SGCD: variants seen among roughly 807,000 people sequenced by gnomAD.
SGCD encodes delta-sarcoglycan.
SGCD carries 18 observed loss-of-function variants against 36.6 expected under a neutral mutation model. The observed-to-expected ratio is 0.49, with a 90% confidence interval of 0.34 to 0.73. The LOEUF (loss-of-function observed/expected upper bound fraction) is 0.73. SGCD is among the 30% of genes least tolerant of loss of function. The probability of loss-of-function intolerance (pLI) is 0.01; values close to 1 mark genes in which losing one functional copy is unlikely to be tolerated. For missense variants in SGCD, 387 were observed against 346.7 expected (o/e 1.12, Z -0.92); for synonymous variants, 133 against 130.6 (o/e 1.02, Z -0.12).
intron 3 of SGCD, among the ~76,000 whole-genome samples, chr5:156,377,218 A>G (rs1770719623): frequency 6.6e-6 from 1 of 152,218 alleles, no homozygotes; most frequent in Non-Finnish European, 1.5e-5. Context: ...TAATATTGCC[A>G]GCATTAAGCT....
chr5:156,200,455 T>C (rs1764119439), intron 3 of SGCD, among the ~76,000 whole-genome samples: 1 of 152,114 alleles, frequency 6.6e-6, no homozygotes, highest in Non-Finnish European at 1.5e-5. Context: ...GAAAACTGGA[T>C]ATACACATGG....
chr5:155,736,321 T>C, the SGCD span, among the ~76,000 whole-genome samples: 2 of 152,108 alleles, frequency 1.3e-5, no homozygotes, highest in Admixed American at 6.6e-5. Context: ...CTAACAAGAC[T>C]CTGATTATTC....
chr5:156,489,192 C>T (rs1755832209), intron 3 of SGCD, among the ~76,000 whole-genome samples: 1 of 151,912 alleles, frequency 6.6e-6, no homozygotes, highest in Admixed American at 6.6e-5. Context: ...TCTAAATATA[C>T]AAGCACCCAA....
chr5:156,671,954 T>C (rs1013393951), intron 7 of SGCD, among the ~76,000 whole-genome samples: 1 of 152,068 alleles, frequency 6.6e-6, no homozygotes, highest in Non-Finnish European at 1.5e-5. Flanking sequence ...TGTGAAATAA[T>C]AGAGTGAGAA....
At chr5:156,454,548 C>G (rs1754169241) in intron 3 of SGCD, among the ~76,000 whole-genome samples, 1 of 152,134 alleles carries the variant, frequency 6.6e-6, no homozygotes. Flanking sequence ...ATAGGAGATG[C>G]TCTTCAGTCA....
At chr5:156,745,535 C>T (rs929114226) in intron 7 of SGCD, among the ~76,000 whole-genome samples, 1 of 152,130 alleles carries the variant, frequency 6.6e-6, no homozygotes, top group South Asian at 2.1e-4. Flanking sequence ...TGTGAACTCA[C>T]AGTCAAGAAG....
chr5:156,487,703 G>T (rs1755737692), intron 3 of SGCD, among the ~76,000 whole-genome samples: 1 of 143,302 alleles, frequency 7.0e-6, no homozygotes, highest in Non-Finnish European at 1.5e-5. Context: ...CAGGAGAATT[G>T]CTTGAACCCA....
intron 1 of SGCD, among the ~76,000 whole-genome samples, chr5:155,947,757 G>T (rs959833832): frequency 1.4e-4 from 22 of 152,122 alleles, no homozygotes; most frequent in African/African-American, 5.3e-4. Flanking sequence ...ACTGCAGCAG[G>T]TACATGTTTG....
chr5:156,674,194 T>C (rs1753416816), intron 7 of SGCD, among the ~76,000 whole-genome samples: 1 of 152,190 alleles, frequency 6.6e-6, no homozygotes, highest in African/African-American at 2.4e-5. Context: ...TGGCCCACTT[T>C]TGGCATTTGA....
chr5:156,591,877 C>T (rs1317755321), intron 5 of SGCD, among the ~76,000 whole-genome samples: 1 of 152,118 alleles, frequency 6.6e-6, no homozygotes, highest in Non-Finnish European at 1.5e-5. Context: ...CAACAAAGGA[C>T]AAGCCATCTG....
intron 7 of SGCD, among the ~76,000 whole-genome samples, chr5:156,660,041 CT>C (rs1343929956): frequency 6.8e-6 from 1 of 147,450 alleles, no homozygotes; most frequent in Non-Finnish European, 1.5e-5. Flanking sequence ...TGGGAATTTC[CT>C]TGGGGCAAGG....
At chr5:156,224,940 C>G (rs447817) in intron 3 of SGCD, among the ~76,000 whole-genome samples, 2 of 151,974 alleles carry the variant, frequency 1.3e-5, no homozygotes, top group Non-Finnish European at 2.9e-5. Context: ...TTGAGTGAGG[C>G]TGTTTTAAGA....
At chr5:155,821,549 G>A in the SGCD span, among the ~76,000 whole-genome samples, 7 of 152,114 alleles carry the variant, frequency 4.6e-5, no homozygotes, top group East Asian at 1.9e-4. Flanking sequence ...TCCTGACCTC[G>A]TGATCCACTT....
rs535246885 is a variant in SGCD at position 156,059,867 on chromosome 5, T to C, written c.-281-58011T>C. Among the ~76,000 whole-genome samples the C allele has an allele frequency of 1.8e-4, 27 of 146,888 alleles. 3 individuals are homozygous for C. In the South Asian group the frequency reaches 5.8e-3, roughly 32 times the overall value. On this transcript the variant is annotated intron_variant, in intron 1 of 9. Transcript: ENST00000517913. ...GTGAACTATTTCCCAGTTTGCTGAC[T>C]TTTTATGTTTTTATTTCTCTTCCTC...
intron 3 of SGCD, among the ~76,000 whole-genome samples, chr5:156,371,023 T>A (rs1770360877): frequency 6.6e-6 from 1 of 152,196 alleles, no homozygotes; most frequent in Admixed American, 6.5e-5. Context: ...GGCATATAGT[T>A]ACCAGCCTAG....
At chr5:155,898,446 A>G (rs1044172491) in intron 1 of SGCD, among the ~76,000 whole-genome samples, 7 of 152,202 alleles carry the variant, frequency 4.6e-5, no homozygotes, top group African/African-American at 1.7e-4. Context: ...GATGAGGCAC[A>G]TATTTAGAAA....
chr5:156,371,622 C>G (rs1770391491), intron 3 of SGCD, among the ~76,000 whole-genome samples: 1 of 152,150 alleles, frequency 6.6e-6, no homozygotes, highest in African/African-American at 2.4e-5. Flanking sequence ...TGAGTCTTTT[C>G]CTTGATCATC....
At chr5:155,853,555 A>T in the SGCD span, among the ~76,000 whole-genome samples, 1 of 152,174 alleles carries the variant, frequency 6.6e-6, no homozygotes, top group East Asian at 1.9e-4. Flanking sequence ...TGCGCCTTTA[A>T]AAGTTGATTA....
chr5:155,768,830 G>C, the SGCD span, among the ~76,000 whole-genome samples: 2 of 152,054 alleles, frequency 1.3e-5, no homozygotes, highest in Admixed American at 6.6e-5. Flanking sequence ...TCAGTGAAAG[G>C]GTATGTCCTC....
Sources: gnomAD v4.1 joint callset for allele counts (sites outside exome capture counted in the v4.1 genomes callset) on GRCh38, gnomAD v4.1.1 for gene constraint, MANE v1.5 for transcripts, NCBI Gene and HGNC (gene_info 2026-07-23, HGNC 2026-07-21) for gene names.